Variants in DLC1 observed in about 807,000 individuals in gnomAD.
DLC1 encodes the protein DLC1 Rho GTPase activating protein.
Under a neutral mutation model 140.3 loss-of-function variants are expected in DLC1, and 54 were observed. The ratio of observed to expected loss-of-function variants is 0.38; its 90% CI spans 0.31 to 0.48. DLC1 has a LOEUF of 0.48. Among genes scored for constraint, DLC1 ranks in the 20% least tolerant of loss-of-function variants. The probability of loss-of-function intolerance (pLI) is 0.96; values close to 1 mark genes in which losing one functional copy is unlikely to be tolerated. For synonymous variants in DLC1, 986 were observed against 728.1 expected, an observed-to-expected ratio of 1.35 and a Z score of -5.70; for missense variants, 2,536 against 1,907.0, an observed-to-expected ratio of 1.33 and a Z score of -6.14.
At chr8:13,305,645 A>G (rs1465352571) in intron 4 of DLC1, among the ~76,000 whole-genome samples, 3 of 152,124 alleles carry the variant, frequency 2.0e-5, no homozygotes, top group Non-Finnish European at 4.4e-5. Context: ...GAGACCAGCC[A>G]GGACAACATG....
At chr8:13,381,672 T>C (rs1222326732) in intron 4 of DLC1, among the ~76,000 whole-genome samples, 2 of 152,148 alleles carry the variant, frequency 1.3e-5, no homozygotes, top group Non-Finnish European at 2.9e-5. Context: ...TATACTGTTT[T>C]GGAAATGAGC....
At chr8:13,402,450 T>G (rs573249855) in intron 2 of DLC1, among the ~76,000 whole-genome samples, 1 of 152,276 alleles carries the variant, frequency 6.6e-6, no homozygotes, top group East Asian at 1.9e-4. Context: ...GGGTACGGTA[T>G]TGGCTAAAAA....
At chr8:13,323,097 A>C (rs12677361) in intron 4 of DLC1, among the ~76,000 whole-genome samples, 1 of 152,020 alleles carries the variant, frequency 6.6e-6, no homozygotes, top group African/African-American at 2.4e-5. Context: ...ACCCTATGAC[A>C]TAGGCTCAGC....
intron 2 of DLC1, among the ~76,000 whole-genome samples, chr8:13,424,075 G>T (rs1342355159): frequency 1.3e-5 from 2 of 152,130 alleles, no homozygotes; most frequent in Non-Finnish European, 2.9e-5. Context: ...TTAAGGGGGT[G>T]TTTCCTTATG....
chr8:13,291,478 G>A (rs1255770886), intron 5 of DLC1, among the ~76,000 whole-genome samples: 1 of 152,126 alleles, frequency 6.6e-6, no homozygotes, highest in Non-Finnish European at 1.5e-5. Flanking sequence ...TGAATGGGAA[G>A]AGAAAGACCA....
At chr8:13,477,410 G>A (rs1800483078) in intron 2 of DLC1, among the ~76,000 whole-genome samples, 2 of 152,162 alleles carry the variant, frequency 1.3e-5, no homozygotes, top group Non-Finnish European at 2.9e-5. Context: ...GGGAGACCAG[G>A]AGCACGGATG....
rs1375389982 is a variant in DLC1, at chr8:13,453,416, ATATATATGTG to A, written c.1023+45623_1023+45632del. On this transcript the variant is annotated intron_variant, in intron 2 of 17. Transcript: ENST00000276297. Reference sequence around the variant, plus strand: ...TATATATATATGTGTATATATATATATATATATGTGTATATATATATGTATATATATACAT... The same window carrying A: ...TATATATATATGTGTATATATATATATATATATATATGTATATATATACAT... Among the ~76,000 whole-genome samples the A allele has an allele frequency of 7.2e-4, 37 of 51,218 alleles. 1 individual carries two copies. Among genetic ancestry groups the A allele is most frequent in the African/African-American group, 4.2e-3 (35 of 8,256 alleles). 33.6% of individuals were successfully genotyped at this position (51,218 alleles called of 152,430 possible). A position where few individuals can be genotyped will look rare whatever the true frequency, so the allele number is the denominator to read the frequency against.
Position 13,100,514 on chromosome 8 carries a change from G to T in DLC1, c.1823C>A (p.Pro608His). 1 of 1,612,606 alleles carries T rather than the reference G, an allele frequency of 6.2e-7. No homozygotes were observed. The highest frequency in any genetic ancestry group is 2.2e-5 in the East Asian group (1 of 44,868). ...GGGGGTGGCAGCATCCTCGCTGGGGGGCGCGTGGCTGGGGAGGCTGCCAGT... is the reference window on the plus strand; with the variant it reads ...GGGGGTGGCAGCATCCTCGCTGGGGTGCGCGTGGCTGGGGAGGCTGCCAGT... ...SSTGSLPSHA[P>H]PSEDAATPRT... is the part of the protein sequence containing the mutation. The change falls in exon 9 of 18, where the codon CCC (proline) becomes CAC (histidine). Residue 608 changes from proline (P) to histidine (H), a missense_variant. By Grantham distance (77) the Pro-to-His change is moderately conservative. Transcript: ENST00000276297.
intron 1 of DLC1, among the ~76,000 whole-genome samples, chr8:13,504,648 T>C (rs1264181361): frequency 1.3e-5 from 2 of 152,068 alleles, no homozygotes; most frequent in Non-Finnish European, 2.9e-5. Flanking sequence ...GATGATATAT[T>C]AGGAGCTGGG....
At chr8:13,253,356 C>T (rs1363210193) in intron 5 of DLC1, among the ~76,000 whole-genome samples, 2 of 152,102 alleles carry the variant, frequency 1.3e-5, no homozygotes, top group Non-Finnish European at 2.9e-5. Flanking sequence ...TGGATGTCCT[C>T]GTTCATTGTG....
At chr8:13,370,784 G>A (rs1563291578) in intron 4 of DLC1, among the ~76,000 whole-genome samples, 1 of 152,128 alleles carries the variant, frequency 6.6e-6, no homozygotes, top group Non-Finnish European at 1.5e-5. Flanking sequence ...TCATATTCTT[G>A]TTGCTCTAAA....
At chr8:13,129,194 A>G (rs886441564) in intron 5 of DLC1, among the ~76,000 whole-genome samples, 3 of 152,246 alleles carry the variant, frequency 2.0e-5, no homozygotes, top group African/African-American at 7.2e-5. Flanking sequence ...CCTATAAAAC[A>G]TACTTCAACC....
intron 5 of DLC1, among the ~76,000 whole-genome samples, chr8:13,170,553 A>G (rs1368403328): frequency 6.6e-6 from 1 of 152,052 alleles, no homozygotes; most frequent in Non-Finnish European, 1.5e-5. Context: ...ACACGGTGAA[A>G]CCCCGTCCCT....
At chr8:13,120,356 A>AATAT (rs1554577907) in intron 5 of DLC1, among the ~76,000 whole-genome samples, 75 of 61,002 alleles carry the variant, frequency 1.2e-3, no homozygotes, top group Middle Eastern at 0.012. Flanking sequence ...AAAAAAAAAA[A>AATAT]ATATATATAT....
intron 5 of DLC1, among the ~76,000 whole-genome samples, chr8:13,199,895 G>C (rs1827283048): frequency 1.3e-5 from 2 of 152,018 alleles, no homozygotes; most frequent in East Asian, 1.9e-4. Context: ...CTATTGTTTT[G>C]GTTTGTTAAA....
At chr8:13,371,809 T>C (rs867556221) in intron 4 of DLC1, among the ~76,000 whole-genome samples, 2 of 152,160 alleles carry the variant, frequency 1.3e-5, no homozygotes, top group African/African-American at 2.4e-5. Context: ...AGGAAGCCTA[T>C]TGTAGCTCCA....
intron 5 of DLC1, among the ~76,000 whole-genome samples, chr8:13,130,036 C>T (rs1435190053): frequency 1.3e-5 from 2 of 152,172 alleles, no homozygotes; most frequent in African/African-American, 4.8e-5. Flanking sequence ...TCCAAAAAGT[C>T]CGATCCATTT....
At chr8:13,354,411 C>T (rs916313583) in intron 4 of DLC1, among the ~76,000 whole-genome samples, 3 of 151,960 alleles carry the variant, frequency 2.0e-5, no homozygotes, top group African/African-American at 4.8e-5. Context: ...CAGGGCCTAA[C>T]AGTGTGTGTG....
chr8:13,306,777 G>T (rs1832454943), intron 4 of DLC1, among the ~76,000 whole-genome samples: 1 of 151,998 alleles, frequency 6.6e-6, no homozygotes, highest in Admixed American at 6.6e-5. Flanking sequence ...CTAAGGTAAA[G>T]ATTTCCTTAT....
Sources: gnomAD v4.1 joint callset for allele counts (sites outside exome capture counted in the v4.1 genomes callset) on GRCh38, gnomAD v4.1.1 for gene constraint, MANE v1.5 for transcripts, NCBI Gene and HGNC (gene_info 2026-07-23, HGNC 2026-07-21) for gene names.